The following SMAP1 variants were observed in gnomAD, a reference collection of about 807,000 sequenced individuals.
The protein encoded by SMAP1 is stromal membrane-associated protein 1.
A neutral mutation model predicts 58.5 loss-of-function variants in SMAP1; 24 were observed. The ratio of observed to expected loss-of-function variants is 0.41; its 90% CI spans 0.30 to 0.58. The LOEUF is 0.58. Among genes scored for constraint, SMAP1 ranks in the 20% least tolerant of loss-of-function variants. SMAP1 has a pLI of 0.29. For synonymous variants in SMAP1, 216 were observed against 196.6 expected (o/e 1.10, Z -0.82); for missense variants, 563 against 566.3 (o/e 0.99, Z 0.06).
In SMAP1 at chr6:70,696,787, A is replaced by G. The variant is rs991964373; in HGVS notation, c.118+28646A>G. Among the ~76,000 whole-genome samples the G allele has an allele frequency of 4.6e-5, 7 of 152,140 alleles. No individual in the cohort carries two copies. In the East Asian group the frequency reaches 9.6e-4, roughly 21 times the overall value. On this transcript the variant is annotated intron_variant, in intron 1 of 10. Coordinates refer to ENST00000370455, the MANE Select transcript of SMAP1 (RefSeq NM_001044305.3). ...TGGTCTATAGTTCAGATTAAGTCCA[A>G]TGTTTCTTTGTTAATTTTCTGTCTG...
intron 6 of SMAP1, among the ~76,000 whole-genome samples, chr6:70,828,556 C>G (rs576248303): frequency 2.9e-4 from 44 of 152,296 alleles, no homozygotes; most frequent in Admixed American, 1.2e-3. Flanking sequence ...TTCATATGCA[C>G]AACATACTTC....
At chr6:70,842,098 T>A (rs1770826603) in intron 7 of SMAP1, among the ~76,000 whole-genome samples, 1 of 152,166 alleles carries the variant, frequency 6.6e-6, no homozygotes, top group Admixed American at 6.5e-5. Context: ...GACGTTTGTG[T>A]AGTTATGTGC....
Position 70,860,537 on chromosome 6 carries a change from G to A in SMAP1, c.*203G>A. The A allele has an allele frequency of 2.0e-6, 1 of 503,248 alleles. No homozygotes were observed. Among genetic ancestry groups the A allele is most frequent in the Non-Finnish European group, 3.2e-6 (1 of 309,790 alleles). The allele number at this position is 503,248 out of a possible 1,614,324, so 31.2% of individuals were successfully genotyped here. A position where few individuals can be genotyped will look rare whatever the true frequency, so the allele number is the denominator to read the frequency against. On this transcript the variant is annotated 3_prime_UTR_variant, in exon 11 of 11. Coordinates refer to ENST00000370455, the MANE Select transcript of SMAP1 (RefSeq NM_001044305.3). ...GGTTGATAAATCATTTTATGTCAAG[G>A]GCAGCTTTGCTCATATTTCCCATGA... is the stretch of plus-strand genomic sequence containing the variant.
At chr6:70,786,343 A>G (rs1213494664) in intron 4 of SMAP1, among the ~76,000 whole-genome samples, 5 of 145,444 alleles carry the variant, frequency 3.4e-5, no homozygotes, top group Non-Finnish European at 7.5e-5. Flanking sequence ...CACAGCCAAT[A>G]TCATACTGAA....
chr6:70,796,062 A>G (rs931829474), intron 5 of SMAP1, among the ~76,000 whole-genome samples: 2 of 152,152 alleles, frequency 1.3e-5, no homozygotes, highest in Non-Finnish European at 2.9e-5. Flanking sequence ...ATGTTCTGTC[A>G]CATTGCTTTC....
At chr6:70,822,805 C>T (rs1042195601) in intron 6 of SMAP1, among the ~76,000 whole-genome samples, 2 of 151,912 alleles carry the variant, frequency 1.3e-5, no homozygotes, top group African/African-American at 4.8e-5. Context: ...AGTTGTCCCA[C>T]AGTTCTTGGA....
At chr6:70,808,806 C>G (rs1046199628) in intron 6 of SMAP1, among the ~76,000 whole-genome samples, 7 of 151,680 alleles carry the variant, frequency 4.6e-5, no homozygotes, top group Non-Finnish European at 1.5e-5. Context: ...ACATTAGTTA[C>G]TGCTCTCTTT....
chr6:70,855,324 T>G (rs1316382899), intron 8 of SMAP1, among the ~76,000 whole-genome samples: 1 of 152,178 alleles, frequency 6.6e-6, no homozygotes, highest in South Asian at 2.1e-4. Context: ...TTACTAGTCC[T>G]GCTGATTGGT....
chr6:70,773,239 T>C (rs1767401659), intron 3 of SMAP1, 111 bp from the exon 4 acceptor site: 3 of 638,138 alleles, frequency 4.7e-6, no homozygotes, highest in Non-Finnish European at 5.5e-6. Flanking sequence ...AGAGCACAGA[T>C]TGAGGAGTAG....
intron 4 of SMAP1, among the ~76,000 whole-genome samples, chr6:70,774,210 A>G (rs562222601): frequency 3.9e-4 from 60 of 152,300 alleles, no homozygotes; most frequent in African/African-American, 1.4e-3. Flanking sequence ...TCATGTAATG[A>G]TATGTTTCTC....
intron 7 of SMAP1, among the ~76,000 whole-genome samples, chr6:70,847,680 C>T (rs1369902533): frequency 2.0e-5 from 3 of 152,088 alleles, no homozygotes; most frequent in Non-Finnish European, 4.4e-5. Context: ...CTAGGCTTTT[C>T]TTGTACTCTG....
intron 3 of SMAP1, among the ~76,000 whole-genome samples, chr6:70,756,607 A>G (rs1415095752): frequency 6.6e-6 from 1 of 152,064 alleles, no homozygotes; most frequent in Non-Finnish European, 1.5e-5. Flanking sequence ...CAAATTGCGA[A>G]GGGTTTTCAG....
intron 2 of SMAP1, among the ~76,000 whole-genome samples, chr6:70,754,387 G>T (rs2149888673): frequency 1.3e-5 from 2 of 152,158 alleles, no homozygotes; most frequent in Middle Eastern, 6.8e-3. Flanking sequence ...GAGTTTCTAT[G>T]AACTGAACTT....
At chr6:70,672,878 A>G (rs1302233787) in intron 1 of SMAP1, among the ~76,000 whole-genome samples, 1 of 151,932 alleles carries the variant, frequency 6.6e-6, no homozygotes, top group Admixed American at 6.6e-5. Context: ...AGCTGCACAC[A>G]CACATGTACC....
chr6:70,674,085 C>G (rs1384469603), intron 1 of SMAP1, among the ~76,000 whole-genome samples: 1 of 151,848 alleles, frequency 6.6e-6, no homozygotes, highest in Non-Finnish European at 1.5e-5. Context: ...AAACGATATA[C>G]TTTATAAACT....
intron 1 of SMAP1, among the ~76,000 whole-genome samples, chr6:70,690,967 C>A (rs960106435): frequency 4.0e-5 from 6 of 151,844 alleles, no homozygotes; most frequent in South Asian, 2.1e-4. Context: ...GCTATCTGGG[C>A]CTTGAGTTTT....
At chr6:70,695,396 C>T (rs904450725) in intron 1 of SMAP1, among the ~76,000 whole-genome samples, 1 of 152,112 alleles carries the variant, frequency 6.6e-6, no homozygotes, top group Admixed American at 6.6e-5. Flanking sequence ...TTTCCCCATT[C>T]AGTATGATAC....
At chr6:70,679,387 A>T (rs1012669865) in intron 1 of SMAP1, among the ~76,000 whole-genome samples, 9 of 152,186 alleles carry the variant, frequency 5.9e-5, no homozygotes, top group Non-Finnish European at 1.3e-4. Flanking sequence ...ATGAAGTACT[A>T]CTTAAATTAG....
At chr6:70,775,015 A>AT (rs1377708282) in intron 4 of SMAP1, among the ~76,000 whole-genome samples, 1 of 152,100 alleles carries the variant, frequency 6.6e-6, no homozygotes, top group Non-Finnish European at 1.5e-5. Context: ...GTGTCAAAAA[A>AT]AAAAAAAAAA....
Sources: allele counts gnomAD v4.1 joint callset (sites outside exome capture counted in the v4.1 genomes callset), GRCh38; gene constraint gnomAD v4.1.1; transcripts MANE v1.5; gene names NCBI Gene and HGNC (gene_info 2026-07-23, HGNC 2026-07-21).